ADCY2: variants seen among roughly 807,000 people sequenced by gnomAD.
The protein encoded by ADCY2 is adenylate cyclase type 2.
ADCY2 carries 31 observed loss-of-function variants against 125.2 expected under a neutral mutation model. The observed-to-expected ratio is 0.25, with a 90% CI of 0.19 to 0.33. The LOEUF (loss-of-function observed/expected upper bound fraction) is 0.33, where lower values mean the gene tolerates loss of function less well. Ranked by LOEUF, ADCY2 falls within the 10% of genes least tolerant of loss-of-function variation. ADCY2 has a pLI of 1.00. For missense variants in ADCY2, 904 were observed against 1,418.2 expected (o/e 0.64, Z 5.82); for synonymous variants, 512 against 548.4 (o/e 0.93, Z 0.93).
At chr5:7,551,035 T>TCCCG (rs1561088860) in intron 3 of ADCY2, among the ~76,000 whole-genome samples, 1 of 54,418 alleles carries the variant, frequency 1.8e-5, no homozygotes. Flanking sequence ...CCTCCCTCCC[T>TCCCG]TCCTCCCTTC....
chr5:7,606,019 G>T (rs1318198536), intron 3 of ADCY2, among the ~76,000 whole-genome samples: 2 of 143,894 alleles, frequency 1.4e-5, no homozygotes, highest in African/African-American at 5.2e-5. Flanking sequence ...TTTTTAGCAT[G>T]AAGGGTTGTT....
Position 7,784,464 on chromosome 5 carries a change from T to C in ADCY2, c.2469+15T>C. 2 of 1,577,436 alleles carry C rather than the reference T, an allele frequency of 1.3e-6. No individual in the cohort carries two copies. Among genetic ancestry groups the C allele is most frequent in the Non-Finnish European group, 8.7e-7 (1 of 1,147,426 alleles). On this transcript the variant is annotated intron_variant, in intron 19 of 24. Coordinates refer to ENST00000338316, the MANE Select transcript of ADCY2 (RefSeq NM_020546.3). ...TGGGTAGACAGGTAAGAAGTCTGTT[T>C]ATATATATGTATGTATACCTTCTCT... is the stretch of plus-strand genomic sequence containing the variant.
intron 3 of ADCY2, among the ~76,000 whole-genome samples, chr5:7,540,029 G>A (rs1024972991): frequency 1.3e-5 from 2 of 152,066 alleles, no homozygotes; most frequent in African/African-American, 4.8e-5. Context: ...TATACTCCTC[G>A]CAACATGGAT....
chr5:7,632,653 G>A (rs1053106820), intron 4 of ADCY2, among the ~76,000 whole-genome samples: 4 of 152,020 alleles, frequency 2.6e-5, no homozygotes, highest in African/African-American at 4.8e-5. Context: ...CCAATCCATC[G>A]GAATGATCTT....
intron 12 of ADCY2, among the ~76,000 whole-genome samples, chr5:7,717,466 C>A (rs1156949286): frequency 1.3e-5 from 2 of 152,134 alleles, no homozygotes; most frequent in Non-Finnish European, 2.9e-5. Context: ...TGCTGATAAA[C>A]AACCTGAGGT....
intron 3 of ADCY2, among the ~76,000 whole-genome samples, chr5:7,542,383 C>T (rs891424367): frequency 3.4e-4 from 52 of 151,812 alleles, no homozygotes; most frequent in African/African-American, 1.2e-3. Flanking sequence ...TGGATCTCTT[C>T]GAGGCCATTG....
At chr5:7,585,110 T>C (rs1736585182) in intron 3 of ADCY2, among the ~76,000 whole-genome samples, 1 of 152,210 alleles carries the variant, frequency 6.6e-6, no homozygotes, top group African/African-American at 2.4e-5. Flanking sequence ...TTAACTATAT[T>C]TAGAAGTCTT....
intron 16 of ADCY2, among the ~76,000 whole-genome samples, chr5:7,764,393 G>A (rs1016134054): frequency 6.6e-6 from 1 of 152,072 alleles, no homozygotes; most frequent in African/African-American, 2.4e-5. Flanking sequence ...TTTATTATAA[G>A]TAAAGCATAT....
chr5:7,733,014 G>A (rs1742150053), intron 14 of ADCY2, among the ~76,000 whole-genome samples: 2 of 152,306 alleles, frequency 1.3e-5, no homozygotes, highest in Middle Eastern at 6.8e-3. Flanking sequence ...AAATGATCAA[G>A]CATGAATTGC....
At chr5:7,463,638 A>G (rs1742000368) in intron 2 of ADCY2, among the ~76,000 whole-genome samples, 1 of 149,334 alleles carries the variant, frequency 6.7e-6, no homozygotes, top group African/African-American at 2.5e-5. Flanking sequence ...AAAAAAAAAA[A>G]GAATGAGATC....
intron 22 of ADCY2, among the ~76,000 whole-genome samples, chr5:7,812,622 A>T (rs1744980905): frequency 6.6e-6 from 1 of 152,170 alleles, no homozygotes; most frequent in South Asian, 2.1e-4. Context: ...TGAGGTAGGG[A>T]GTTGGCTGGG....
intron 15 of ADCY2, chr5:7,749,906 T>G (rs11134256): frequency 0.46 from 69,998 of 152,000 alleles, 17,187 homozygotes; most frequent in East Asian, 0.95. Context: ...TGAAGTCTGT[T>G]TTCTTTCCTG....
At chr5:7,448,163 G>A (rs530363978) in intron 2 of ADCY2, among the ~76,000 whole-genome samples, 1 of 152,322 alleles carries the variant, frequency 6.6e-6, no homozygotes, top group African/African-American at 2.4e-5. Flanking sequence ...TAGGGATGGG[G>A]TCTTTCTGGT....
At chr5:7,738,318 C>T (rs1742307164) in intron 14 of ADCY2, among the ~76,000 whole-genome samples, 1 of 151,800 alleles carries the variant, frequency 6.6e-6, no homozygotes, top group African/African-American at 2.4e-5. Context: ...TGTATTAAGC[C>T]TTGAGCAATC....
intron 6 of ADCY2, among the ~76,000 whole-genome samples, chr5:7,696,098 C>T (rs1180807164): frequency 6.6e-6 from 1 of 152,196 alleles, no homozygotes; most frequent in East Asian, 1.9e-4. Context: ...AAACTTCCCC[C>T]TATGTATAAT....
At chr5:7,520,921 T>C in intron 3 of ADCY2, 22 bp downstream of exon 3, 6 of 1,612,900 alleles carry the variant, frequency 3.7e-6, no homozygotes, top group Middle Eastern at 1.6e-4. Context: ...TCCACATCCA[T>C]GGAGAATGAC....
chr5:7,659,309 T>C (rs894176482), intron 4 of ADCY2, among the ~76,000 whole-genome samples: 4 of 152,262 alleles, frequency 2.6e-5, no homozygotes, highest in African/African-American at 9.6e-5. Flanking sequence ...CAGTGCAATT[T>C]AAGATGAGAT....
At chr5:7,652,054 G>A (rs1030128937) in intron 4 of ADCY2, among the ~76,000 whole-genome samples, 11 of 152,110 alleles carry the variant, frequency 7.2e-5, no homozygotes, top group Admixed American at 5.2e-4. Flanking sequence ...CACCCACCTC[G>A]GCCTCCCAAA....
chr5:7,560,946 C>T lies in ADCY2; in HGVS notation c.570+40047C>T, dbSNP rs1043064309. Reference sequence around the variant, plus strand: ...CAAGTGATCCACCTGCCTCAGCCTCCCAAAGTACTGGAATTACAGGTGTGA... The same window carrying T: ...CAAGTGATCCACCTGCCTCAGCCTCTCAAAGTACTGGAATTACAGGTGTGA... On this transcript the variant is annotated intron_variant, in intron 3 of 24. Transcript: ENST00000338316. Among the ~76,000 whole-genome samples the T allele has an allele frequency of 4.6e-5, 7 of 152,296 alleles. No homozygotes were observed. In the South Asian group the frequency reaches 6.2e-4, roughly 14 times the overall value.
Sources: allele counts gnomAD v4.1 joint callset (sites outside exome capture counted in the v4.1 genomes callset), GRCh38; gene constraint gnomAD v4.1.1; transcripts MANE v1.5; gene names NCBI Gene and HGNC (gene_info 2026-07-23, HGNC 2026-07-21).